Variants in ATAD2B observed in about 807,000 individuals in gnomAD.
ATAD2B encodes the protein ATPase family AAA domain-containing protein 2B.
ATAD2B carries 40 observed loss-of-function variants against 167.6 expected under a neutral mutation model. The ratio of observed to expected loss-of-function variants is 0.24; its 90% CI spans 0.19 to 0.31. ATAD2B has a LOEUF of 0.31. Among genes scored for constraint, ATAD2B ranks in the 10% least tolerant of loss-of-function variants. The probability of loss-of-function intolerance (pLI) is 1.00; values close to 1 mark genes in which losing one functional copy is unlikely to be tolerated. For synonymous variants in ATAD2B, 579 were observed against 596.5 expected, an observed-to-expected ratio of 0.97 and a Z score of 0.43; for missense variants, 1,242 against 1,757.2, an observed-to-expected ratio of 0.71 and a Z score of 5.24.
chr2:23,713,334 C>A, the ATAD2B span, among the ~76,000 whole-genome samples: 3 of 152,110 alleles, frequency 2.0e-5, no homozygotes, highest in African/African-American at 7.2e-5. Context: ...CACTTTCTAT[C>A]ACCACTGCCT....
chr2:23,684,403 G>T, the ATAD2B span: 1 of 1,530,336 alleles, frequency 6.5e-7, no homozygotes, highest in Non-Finnish European at 8.8e-7. This position sits in a 1 kb window ranked among gnomAD's most constrained non-coding sequence, Gnocchi z 4.4. Context: ...CTGCAGAAAT[G>T]TTGAAGGAAT....
chr2:23,777,237 TTC>T (rs1255322236), intron 22 of ATAD2B, among the ~76,000 whole-genome samples: 5 of 152,226 alleles, frequency 3.3e-5, no homozygotes, highest in South Asian at 2.1e-4. Flanking sequence ...GAAAATTAAT[TTC>T]TGTTACATTT....
chr2:23,925,724 G>A (rs1021158373), intron 1 of ATAD2B, among the ~76,000 whole-genome samples: 1 of 152,140 alleles, frequency 6.6e-6, no homozygotes, highest in African/African-American at 2.4e-5. Context: ...AATCACCAGC[G>A]TCTTTAAATG....
the ATAD2B span, among the ~76,000 whole-genome samples, chr2:23,718,338 C>T: frequency 6.6e-6 from 1 of 152,216 alleles, no homozygotes; most frequent in Non-Finnish European, 1.5e-5. Context: ...CTCACAGCAA[C>T]AGTGGCCATG....
At chr2:23,917,754 CCT>C (rs1235314626) in intron 1 of ATAD2B, among the ~76,000 whole-genome samples, 4 of 151,520 alleles carry the variant, frequency 2.6e-5, no homozygotes, top group Non-Finnish European at 5.9e-5. Flanking sequence ...TAGTGAGACT[CCT>C]GTCTGGAAAA....
chr2:23,698,701 T>C, the ATAD2B span, among the ~76,000 whole-genome samples: 4 of 152,170 alleles, frequency 2.6e-5, no homozygotes, highest in African/African-American at 9.6e-5. Context: ...AGCAATATAT[T>C]GCAGTCACTG....
At chr2:23,707,469 G>A in the ATAD2B span, 1 of 152,264 alleles carries the variant, frequency 6.6e-6, no homozygotes, top group Non-Finnish European at 1.5e-5. Flanking sequence ...GCTCTTTGTA[G>A]GTAGTGCCAG....
chr2:23,895,990 A>G lies in ATAD2B; in HGVS notation c.217-20T>C, dbSNP rs770870203. ...AACTTTCTGAAAGACAATGTTAAAA[A>G]TGTATTTATTATTCCTATTAAGATA... On this transcript the variant is annotated intron_variant, in intron 1 of 27. Transcript: ENST00000238789. The G allele has an allele frequency of 6.3e-7, 1 of 1,592,246 alleles. No homozygotes were observed. Among genetic ancestry groups the G allele is most frequent in the Admixed American group, 1.7e-5 (1 of 58,988 alleles).
At chr2:23,838,420 T>A (rs1401058127) in intron 13 of ATAD2B, among the ~76,000 whole-genome samples, 1 of 151,774 alleles carries the variant, frequency 6.6e-6, no homozygotes, top group Non-Finnish European at 1.5e-5. Context: ...AGAATTACAA[T>A]CTAACTTAAA....
chr2:23,848,148 A>G (rs1342115892), intron 13 of ATAD2B, among the ~76,000 whole-genome samples: 4 of 152,230 alleles, frequency 2.6e-5, no homozygotes, highest in Non-Finnish European at 5.9e-5. Context: ...AATGGTAAGT[A>G]TAAAAAATAT....
At chr2:23,881,386 C>G (rs56258075) in intron 6 of ATAD2B, among the ~76,000 whole-genome samples, 16,232 of 124,692 alleles carry the variant, frequency 0.13, 1,021 homozygotes, top group Middle Eastern at 0.28. Context: ...TTTTTTTTGA[C>G]ACAGAGTCTC....
At chr2:23,802,524 G>A (rs1174372252) in intron 18 of ATAD2B, among the ~76,000 whole-genome samples, 1 of 151,644 alleles carries the variant, frequency 6.6e-6, no homozygotes, top group African/African-American at 2.4e-5. Flanking sequence ...AGCATTTTAT[G>A]AAAATTAAAT....
the ATAD2B span, among the ~76,000 whole-genome samples, chr2:23,680,938 T>C: frequency 8.5e-5 from 13 of 152,170 alleles, no homozygotes; most frequent in Non-Finnish European, 5.9e-5. The surrounding 1 kb of genome is among the most constrained non-coding windows in gnomAD (Gnocchi z 4.1). Context: ...CACCTGAGAA[T>C]AGGCCATGTT....
chr2:23,903,939 T>TTGGTGTTGG (rs1553453544), intron 1 of ATAD2B, among the ~76,000 whole-genome samples: 2 of 151,866 alleles, frequency 1.3e-5, no homozygotes, highest in Non-Finnish European at 2.9e-5. Flanking sequence ...CCGGTTGTTG[T>TTGGTGTTGG]TGGTGGTGGT....
chr2:23,798,724 GAAC>G (rs777023595), intron 18 of ATAD2B, among the ~76,000 whole-genome samples: 25 of 152,042 alleles, frequency 1.6e-4, no homozygotes, highest in Middle Eastern at 3.4e-3. Context: ...TTTACAAAAA[GAAC>G]AACAACATAG....
At chr2:23,877,440 G>C (rs985411182) in intron 7 of ATAD2B, among the ~76,000 whole-genome samples, 2 of 149,110 alleles carry the variant, frequency 1.3e-5, no homozygotes, top group African/African-American at 5.0e-5. Context: ...GTTGCAGTGA[G>C]CTGAGATCAT....
the ATAD2B span, among the ~76,000 whole-genome samples, chr2:23,683,433 C>G: frequency 1.3e-5 from 2 of 152,186 alleles, no homozygotes; most frequent in Non-Finnish European, 2.9e-5. Context: ...GAGCAGTGGT[C>G]AACTGAAGGC....
rs768181830 is a variant in ATAD2B at position 23,864,847 on chromosome 2, A to T, written c.1266T>A (p.Tyr422Ter). ...LKEMVVFPLL[Y>*]PEIFEKFKIQ... ...TTTTAAACTTTTCAAAAATTTCTGG[A>T]TATAAAAGTGGGAATACTACCATTT... Residue 422 changes from tyrosine to a stop codon, truncating the protein, a stop_gained, in exon 11 of 28, where the codon TAT (tyrosine) becomes TAA (stop). Transcript: ENST00000238789. LOFTEE classifies it high-confidence loss of function. 6.3e-7 allele frequency: 1 copy of T among 1,594,186 alleles called. No homozygotes were observed. Among genetic ancestry groups the T allele is most frequent in the Non-Finnish European group, 8.5e-7 (1 of 1,170,354 alleles).
At chr2:23,821,854 A>G (rs1328556090) in intron 16 of ATAD2B, among the ~76,000 whole-genome samples, 1 of 152,192 alleles carries the variant, frequency 6.6e-6, no homozygotes, top group Admixed American at 6.5e-5. Context: ...GGGTTTCACC[A>G]TGTTGGCCAG....
Sources: allele counts gnomAD v4.1 joint callset (sites outside exome capture counted in the v4.1 genomes callset), GRCh38; gene constraint gnomAD v4.1.1; non-coding constraint Gnocchi (gnomAD v3.1); transcripts MANE v1.5; gene names NCBI Gene and HGNC (gene_info 2026-07-23, HGNC 2026-07-21).